GALNT13: variants seen among roughly 807,000 people sequenced by gnomAD.
The protein encoded by GALNT13 is UDP-GalNAc:polypeptide N-acetylgalactosaminyltransferase 13.
Under a neutral mutation model 64.2 loss-of-function variants are expected in GALNT13, and 28 were observed. That is an observed-to-expected ratio of 0.44 (90% CI 0.32 to 0.60). The LOEUF (loss-of-function observed/expected upper bound fraction) is 0.60, where lower values mean the gene tolerates loss of function less well. GALNT13 is among the 20% of genes least tolerant of loss of function. The pLI is 0.05. For synonymous variants in GALNT13, 214 were observed against 224.6 expected (o/e 0.95, Z 0.42); for missense variants, 577 against 669.8 (o/e 0.86, Z 1.53).
downstream of GALNT13, among the ~76,000 whole-genome samples, chr2:154,456,052 G>A (rs570806741): frequency 8.6e-5 from 13 of 152,016 alleles, no homozygotes; most frequent in Admixed American, 2.6e-4. Flanking sequence ...GTGTGAAAAC[G>A]AAAGTAAGCT....
At chr2:153,711,139 C>T in the GALNT13 span, among the ~76,000 whole-genome samples, 6 of 152,098 alleles carry the variant, frequency 3.9e-5, no homozygotes, top group African/African-American at 1.4e-4. Flanking sequence ...TTTTCAGTTA[C>T]TACTAAAGCC....
rs558558214 is a variant in GALNT13 at position 154,031,812 on chromosome 2, T to C, written c.142+87173T>C. Among the ~76,000 whole-genome samples, 6 of 152,030 alleles carry C rather than the reference T, an allele frequency of 3.9e-5. No individual in the cohort carries two copies. The East Asian group carries it at 1.2e-3, about 29-fold the overall frequency. ...ATAAATAGATAAATCCATAATTATATTGGAAGGCTGTAACAGTCCTTTCTC... is the reference window on the plus strand; with the variant it reads ...ATAAATAGATAAATCCATAATTATACTGGAAGGCTGTAACAGTCCTTTCTC... On this transcript the variant is annotated intron_variant, in intron 3 of 12. Transcript: ENST00000392825.
In GALNT13 at chr2:154,196,726, A is replaced by G. The variant is rs150012012; in HGVS notation, c.312-45304A>G. 3.9e-3 allele frequency among the ~76,000 whole-genome samples: 594 copies of G among 152,354 alleles called. 6 individuals carry two copies. The highest frequency in any genetic ancestry group is 0.014 in the African/African-American group (577 of 41,590). ...TAATTATAAATTCAACCATGTTTCA[A>G]TAGTCACAATATAATTATAGATTTG... On this transcript the variant is annotated intron_variant, in intron 4 of 12. Coordinates refer to ENST00000392825, the MANE Select transcript of GALNT13 (RefSeq NM_052917.4).
chr2:153,507,648 C>G, the GALNT13 span, among the ~76,000 whole-genome samples: 1 of 152,108 alleles, frequency 6.6e-6, no homozygotes, highest in African/African-American at 2.4e-5. Flanking sequence ...TAATAATTGA[C>G]CTTCTGAATT....
intron 8 of GALNT13, among the ~76,000 whole-genome samples, chr2:154,293,990 G>C (rs1390564447): frequency 6.6e-6 from 1 of 152,150 alleles, no homozygotes; most frequent in Middle Eastern, 3.2e-3. Context: ...TTAATGCATA[G>C]TGTTATGCAT....
At chr2:153,409,416 A>G in the GALNT13 span, among the ~76,000 whole-genome samples, 1 of 142,242 alleles carries the variant, frequency 7.0e-6, no homozygotes, top group Non-Finnish European at 1.5e-5. Context: ...GTCCCTCTAG[A>G]GAGCCCTGAC....
intron 4 of GALNT13, among the ~76,000 whole-genome samples, chr2:154,151,889 G>A (rs964901273): frequency 9.3e-4 from 141 of 152,206 alleles, no homozygotes; most frequent in African/African-American, 3.3e-3. Context: ...TATCCAATTT[G>A]CCAGTCTGTG....
intron 4 of GALNT13, among the ~76,000 whole-genome samples, chr2:154,145,188 A>T (rs1423201848): frequency 6.7e-6 from 1 of 149,734 alleles, no homozygotes; most frequent in African/African-American, 2.4e-5. Context: ...AAAATTTTAG[A>T]CAGCTGTAAC....
At chr2:153,619,686 C>T in the GALNT13 span, among the ~76,000 whole-genome samples, 1 of 151,996 alleles carries the variant, frequency 6.6e-6, no homozygotes, top group Admixed American at 6.6e-5. Context: ...ATTTCTTCTT[C>T]ATGTTTGAAA....
At chr2:153,437,288 A>C in the GALNT13 span, among the ~76,000 whole-genome samples, 1 of 152,150 alleles carries the variant, frequency 6.6e-6, no homozygotes, top group South Asian at 2.1e-4. Flanking sequence ...GGTGCTGAAA[A>C]AAATGTATAT....
chr2:154,160,352 G>A (rs981071685), intron 4 of GALNT13, among the ~76,000 whole-genome samples: 11 of 152,038 alleles, frequency 7.2e-5, no homozygotes, highest in South Asian at 2.1e-4. Context: ...AGAACACCAC[G>A]CAAGAACTTG....
chr2:153,254,425 G>T, the GALNT13 span, among the ~76,000 whole-genome samples: 1 of 152,048 alleles, frequency 6.6e-6, no homozygotes, highest in African/African-American at 2.4e-5. Context: ...ACCAGCTCCT[G>T]GATTCATTAA....
chr2:154,426,405 C>T (rs1184860117), intron 11 of GALNT13, among the ~76,000 whole-genome samples: 1 of 152,104 alleles, frequency 6.6e-6, no homozygotes, highest in Non-Finnish European at 1.5e-5. Context: ...AATGACTGTC[C>T]TGTCATGGTC....
the GALNT13 span, among the ~76,000 whole-genome samples, chr2:153,455,418 G>A: frequency 6.6e-6 from 1 of 152,312 alleles, no homozygotes; most frequent in Non-Finnish European, 1.5e-5. Flanking sequence ...CCGCTGAAGG[G>A]AGCACATGAG....
chr2:154,335,307 C>A (rs1193428381), intron 9 of GALNT13, among the ~76,000 whole-genome samples: 1 of 151,950 alleles, frequency 6.6e-6, no homozygotes, highest in Non-Finnish European at 1.5e-5. Flanking sequence ...AATTTATTGA[C>A]AAATGAGCAG....
At chr2:153,353,324 C>G in the GALNT13 span, among the ~76,000 whole-genome samples, 1 of 152,096 alleles carries the variant, frequency 6.6e-6, no homozygotes, top group African/African-American at 2.4e-5. Context: ...TTGCTATAAT[C>G]TCTTATTAGT....
At chr2:153,852,122 TAAA>T in the GALNT13 span, among the ~76,000 whole-genome samples, 1 of 150,304 alleles carries the variant, frequency 6.7e-6, no homozygotes, top group Non-Finnish European at 1.5e-5. Flanking sequence ...GAAATAGAAG[TAAA>T]AAAAAATAAT....
At chr2:154,027,286 A>T (rs779644610) in intron 3 of GALNT13, among the ~76,000 whole-genome samples, 1 of 152,042 alleles carries the variant, frequency 6.6e-6, no homozygotes, top group Non-Finnish European at 1.5e-5. Context: ...TCTGTGTTAC[A>T]TTGCTTGTAG....
chr2:154,195,364 C>T (rs1035115132), intron 4 of GALNT13, among the ~76,000 whole-genome samples: 8 of 151,892 alleles, frequency 5.3e-5, no homozygotes, highest in East Asian at 1.9e-4. Context: ...AAAAATGTAC[C>T]GTGGGAGAAA....
Sources: allele counts gnomAD v4.1 joint callset (sites outside exome capture counted in the v4.1 genomes callset), GRCh38; gene constraint gnomAD v4.1.1; transcripts MANE v1.5; gene names NCBI Gene and HGNC (gene_info 2026-07-23, HGNC 2026-07-21).